The following SORCS3 variants were observed in gnomAD, a reference collection of about 807,000 sequenced individuals.
The protein encoded by SORCS3 is sortilin related VPS10 domain containing receptor 3, also known as VPS10 domain-containing receptor SorCS3.
A neutral mutation model predicts 146.3 loss-of-function variants in SORCS3; 57 were observed. The observed-to-expected ratio is 0.39, with a 90% CI of 0.31 to 0.49. SORCS3 has a LOEUF of 0.49. Ranked by LOEUF, SORCS3 falls within the 20% of genes least tolerant of loss-of-function variation. The pLI, the probability that SORCS3 is intolerant of heterozygous loss-of-function variation, is 0.92. For missense variants in SORCS3, 1,341 were observed against 1,575.5 expected, an observed-to-expected ratio of 0.85 and a Z score of 2.52; for synonymous variants, 653 against 618.5, an observed-to-expected ratio of 1.06 and a Z score of -0.83.
At chr10:104,683,529 G>A (rs897409644) in intron 1 of SORCS3, among the ~76,000 whole-genome samples, 1 of 152,218 alleles carries the variant, frequency 6.6e-6, no homozygotes, top group Admixed American at 6.5e-5. Context: ...GGAGTGACCA[G>A]GAGAGAAAGG....
At chr10:105,036,320 C>A (rs780690084) in intron 4 of SORCS3, among the ~76,000 whole-genome samples, 12 of 152,156 alleles carry the variant, frequency 7.9e-5, no homozygotes, top group Non-Finnish European at 1.2e-4. Flanking sequence ...TCCGTTGGCA[C>A]GAGCCTCACT....
At chr10:105,061,621 A>G (rs1183431042) in intron 5 of SORCS3, among the ~76,000 whole-genome samples, 2 of 146,528 alleles carry the variant, frequency 1.4e-5, no homozygotes, top group Non-Finnish European at 3.0e-5. Context: ...ACCTCCAAAT[A>G]GAGAGTGGGT....
chr10:105,043,735 T>C lies in SORCS3; in HGVS notation c.1028+607T>C, dbSNP rs144926950. Among the ~76,000 whole-genome samples, 13 of 152,050 alleles carry C rather than the reference T, an allele frequency of 8.5e-5. No individual in the cohort carries two copies. In the East Asian group the frequency reaches 2.3e-3, roughly 27 times the overall value. ...CAAACTTATTTCACTACAGAATCCT[T>C]TTCTCATGTCACATGTGATAAATCC... On this transcript the variant is annotated intron_variant, in intron 5 of 26. Coordinates refer to ENST00000369701, the MANE Select transcript of SORCS3 (RefSeq NM_014978.3).
At chr10:104,962,818 A>G (rs1056298670) in intron 3 of SORCS3, among the ~76,000 whole-genome samples, 1 of 152,212 alleles carries the variant, frequency 6.6e-6, no homozygotes, top group Non-Finnish European at 1.5e-5. Context: ...AATACTCATA[A>G]TCTTGCCACT....
intron 2 of SORCS3, among the ~76,000 whole-genome samples, chr10:104,890,427 T>A (rs999685624): frequency 2.0e-5 from 3 of 152,198 alleles, no homozygotes; most frequent in South Asian, 2.1e-4. Context: ...TTTCTATTGC[T>A]GTGTTTTCAA....
intron 3 of SORCS3, among the ~76,000 whole-genome samples, chr10:104,927,645 G>A (rs1260578872): frequency 6.6e-6 from 1 of 152,260 alleles, no homozygotes; most frequent in South Asian, 2.1e-4. Flanking sequence ...TTGGGAGGCC[G>A]AGGCAGGTGG....
intron 20 of SORCS3, among the ~76,000 whole-genome samples, chr10:105,241,304 A>C (rs2056821576): frequency 6.6e-6 from 1 of 152,186 alleles, no homozygotes. Flanking sequence ...GGGTGCTGAC[A>C]CAGGAGCAAG....
chr10:104,898,618 T>A (rs994480656), intron 2 of SORCS3, among the ~76,000 whole-genome samples: 18 of 152,352 alleles, frequency 1.2e-4, no homozygotes, highest in Non-Finnish European at 1.8e-4. Context: ...TCAGCCTTTA[T>A]TCATTGACTG....
intron 3 of SORCS3, among the ~76,000 whole-genome samples, chr10:104,922,065 C>T (rs957577554): frequency 2.6e-5 from 4 of 152,172 alleles, no homozygotes; most frequent in East Asian, 1.9e-4. Context: ...AGAGGCACCG[C>T]GTGTGTGGTC....
Position 104,800,994 on chromosome 10 carries a change from C to T in SORCS3, c.628-41798C>T, listed in dbSNP as rs866858148. Reference sequence around the variant, plus strand: ...ATTTAGCTAGTCAGCACTGAGTCTTCCTTCTCCTAAATTTGTAGAAATCAG... The same window carrying T: ...ATTTAGCTAGTCAGCACTGAGTCTTTCTTCTCCTAAATTTGTAGAAATCAG... On this transcript the variant is annotated intron_variant, in intron 1 of 26. Coordinates refer to ENST00000369701, the MANE Select transcript of SORCS3 (RefSeq NM_014978.3). 2.0e-5 allele frequency among the ~76,000 whole-genome samples: 3 copies of T among 152,262 alleles called. No homozygotes were observed. In the South Asian group the frequency reaches 6.2e-4, roughly 32 times the overall value.
At chr10:104,738,486 G>T (rs1300951480) in intron 1 of SORCS3, among the ~76,000 whole-genome samples, 2 of 152,178 alleles carry the variant, frequency 1.3e-5, no homozygotes, top group African/African-American at 4.8e-5. Context: ...GGAAGTAAAT[G>T]AACCAGTGGT....
rs117931960 is a variant in SORCS3, at chr10:105,047,929, A to G, written c.1028+4801A>G. ...AATGCCCTTTAAAAGAGACACATGA[A>G]AAAATGCTCATCATCACTGGCCATC... On this transcript the variant is annotated intron_variant, in intron 5 of 26. Transcript: ENST00000369701. 6.7e-3 allele frequency among the ~76,000 whole-genome samples: 1,020 copies of G among 152,238 alleles called. 5 individuals carry two copies. Among genetic ancestry groups the G allele is most frequent in the South Asian group, 0.01 (50 of 4,820 alleles).
At chr10:105,217,940 C>G (rs2119657812) in intron 19 of SORCS3, 1 of 452,550 alleles carries the variant, frequency 2.2e-6, no homozygotes, top group Middle Eastern at 7.0e-4. Flanking sequence ...ATGGTTCTTA[C>G]TTACATACCC....
At chr10:105,175,194 T>TG (rs1444482114) in intron 13 of SORCS3, among the ~76,000 whole-genome samples, 1 of 151,488 alleles carries the variant, frequency 6.6e-6, no homozygotes, top group Non-Finnish European at 1.5e-5. Flanking sequence ...ATTACAGGCA[T>TG]GCGCCATCAT....
At chr10:104,964,623 G>C (rs1382790682) in intron 3 of SORCS3, among the ~76,000 whole-genome samples, 6 of 152,098 alleles carry the variant, frequency 3.9e-5, no homozygotes, top group Non-Finnish European at 8.8e-5. Flanking sequence ...TAAATGGTGT[G>C]TATGTGTTTG....
intron 6 of SORCS3, among the ~76,000 whole-genome samples, chr10:105,101,423 C>T (rs1221186785): frequency 6.6e-6 from 1 of 152,138 alleles, no homozygotes; most frequent in East Asian, 1.9e-4. Context: ...CTTATCCAAT[C>T]TCTATGTTTT....
intron 20 of SORCS3, among the ~76,000 whole-genome samples, chr10:105,227,373 T>C (rs2056739913): frequency 6.6e-6 from 1 of 152,140 alleles, no homozygotes; most frequent in Admixed American, 6.5e-5. Flanking sequence ...CTCTTGTTAT[T>C]GATTTCTAGA....
At chr10:104,696,479 G>GAATATAGAATATATATAATATAT (rs2016200917) in intron 1 of SORCS3, among the ~76,000 whole-genome samples, 1 of 6,952 alleles carries the variant, frequency 1.4e-4, no homozygotes. Flanking sequence ...ATAGAATATA[G>GAATATAGAATATATATAATATAT]AATATATAAT....
At chr10:105,214,105 G>A (rs1374176082) in intron 17 of SORCS3, among the ~76,000 whole-genome samples, 2 of 152,130 alleles carry the variant, frequency 1.3e-5, no homozygotes, top group Admixed American at 6.6e-5. Context: ...CCCATTTCCT[G>A]AGTCCAATGA....
Sources: allele counts gnomAD v4.1 joint callset (sites outside exome capture counted in the v4.1 genomes callset), GRCh38; gene constraint gnomAD v4.1.1; transcripts MANE v1.5; gene names NCBI Gene and HGNC (gene_info 2026-07-23, HGNC 2026-07-21).